Variants in KIRREL3 observed in about 807,000 individuals in gnomAD.
The protein encoded by KIRREL3 is kirre like nephrin family adhesion molecule 3, also known as kin of IRRE-like protein 3.
In KIRREL3, 36 loss-of-function variants were observed where a neutral mutation model predicts 89.7. The ratio of observed to expected loss-of-function variants is 0.40; its 90% CI spans 0.31 to 0.53. The LOEUF (loss-of-function observed/expected upper bound fraction) is 0.53. KIRREL3 is among the 20% of genes least tolerant of loss of function. The pLI is 0.49. For missense variants in KIRREL3, 864 were observed against 1,056.6 expected (o/e 0.82, Z 2.53); for synonymous variants, 445 against 441.4 (o/e 1.01, Z -0.10).
At chr11:126,911,045 G>A (rs1466949910) in intron 1 of KIRREL3, among the ~76,000 whole-genome samples, 2 of 152,194 alleles carry the variant, frequency 1.3e-5, no homozygotes, top group Non-Finnish European at 2.9e-5. Context: ...CCTCTGTGGA[G>A]GAGAAAGTCA....
At chr11:126,671,126 A>T (rs556176844) in intron 1 of KIRREL3, among the ~76,000 whole-genome samples, 200 of 152,322 alleles carry the variant, frequency 1.3e-3, no homozygotes, top group African/African-American at 4.4e-3. Flanking sequence ...TTCATAAAAA[A>T]TTGCTTAAAA....
At chr11:126,440,310 G>A (rs867756887) in intron 11 of KIRREL3, 139 bp downstream of exon 11, 8 of 771,490 alleles carry the variant, frequency 1.0e-5, no homozygotes, top group African/African-American at 3.4e-5. Flanking sequence ...TTCCAAGACA[G>A]CCAAGGCAGG....
At position 126,976,950 on chromosome 11, in the gene KIRREL3, C is replaced by T. The variant is rs1484074670; in HGVS notation, c.55+23505G>A. Among the ~76,000 whole-genome samples, 3 of 152,000 alleles carry T rather than the reference C, an allele frequency of 2.0e-5. No individual in the cohort carries two copies. The highest frequency in any genetic ancestry group is 1.9e-4 in the East Asian group (1 of 5,180). On this transcript the variant is annotated intron_variant, in intron 1 of 16. Coordinates refer to ENST00000525144, the MANE Select transcript of KIRREL3 (RefSeq NM_032531.4). This position sits in a 1 kb window ranked among gnomAD's most constrained non-coding sequence, Gnocchi z 4.2. Reference sequence around the variant, plus strand: ...TTAATTCCTTCTCAATTCAGCTGATCGTCCCTCAACTATGAACAGCACGAT... The same window carrying T: ...TTAATTCCTTCTCAATTCAGCTGATTGTCCCTCAACTATGAACAGCACGAT...
intron 1 of KIRREL3, among the ~76,000 whole-genome samples, chr11:126,975,044 C>T (rs1178148327): frequency 2.0e-5 from 3 of 152,058 alleles, no homozygotes; most frequent in African/African-American, 7.2e-5. Flanking sequence ...CTCTGGAGCT[C>T]AAGCAATCTG....
intron 1 of KIRREL3, chr11:126,935,922 A>G (rs1345056980): frequency 6.6e-6 from 1 of 152,168 alleles, no homozygotes; most frequent in Non-Finnish European, 1.5e-5. Context: ...AGTTGTAACA[A>G]ATGGGCCACT....
chr11:126,655,915 G>C lies in KIRREL3; in HGVS notation c.56-93003C>G, dbSNP rs1243322097. Among the ~76,000 whole-genome samples, 2 of 151,812 alleles carry C rather than the reference G, an allele frequency of 1.3e-5. No individual in the cohort carries two copies. Among genetic ancestry groups the C allele is most frequent in the Non-Finnish European group, 2.9e-5 (2 of 68,006 alleles). On this transcript the variant is annotated intron_variant, in intron 1 of 16. Transcript: ENST00000525144. The surrounding 1 kb of genome is among the most constrained non-coding windows in gnomAD (Gnocchi z 5.0). The stretch of plus-strand genomic sequence containing the variant: ...TTATTTTTTGTTCCTGACACTGTTT[G>C]CACTGACTAAGATATCACGATGATG...
In KIRREL3 at chr11:126,587,997, TC is replaced by T. The variant is rs1310606697; in HGVS notation, c.56-25086del. ...GGACTGGAAGACTCAGATCTAGGGCTCGGGGGAAAGCATTGGGCCATGAGGT... is the reference window on the plus strand; with the variant it reads ...GGACTGGAAGACTCAGATCTAGGGCTGGGGGAAAGCATTGGGCCATGAGGT... On this transcript the variant is annotated intron_variant, in intron 1 of 16. Coordinates refer to ENST00000525144, the MANE Select transcript of KIRREL3 (RefSeq NM_032531.4). The surrounding 1 kb of genome is among the most constrained non-coding windows in gnomAD (Gnocchi z 5.2). Among the ~76,000 whole-genome samples, 1 of 152,148 alleles carries T rather than the reference TC, an allele frequency of 6.6e-6. No individual in the cohort carries two copies. The highest frequency in any genetic ancestry group is 1.5e-5 in the Non-Finnish European group (1 of 68,030).
chr11:126,795,403 T>C lies in KIRREL3; in HGVS notation c.55+205052A>G, dbSNP rs1471438363. On this transcript the variant is annotated intron_variant, in intron 1 of 16. Coordinates refer to ENST00000525144, the MANE Select transcript of KIRREL3 (RefSeq NM_032531.4). The surrounding 1 kb of genome is among the most constrained non-coding windows in gnomAD (Gnocchi z 4.1). ...TTTATTTTTTGAGACAGAGTCTCAG[T>C]CTGTGACCCAGCCTGGAGTGCAGTG... Among the ~76,000 whole-genome samples the C allele has an allele frequency of 6.6e-6, 1 of 152,200 alleles. No individual in the cohort carries two copies. The highest frequency in any genetic ancestry group is 6.5e-5 in the Admixed American group (1 of 15,276).
Position 126,575,454 on chromosome 11 carries a change from G to C in KIRREL3, c.56-12542C>G, listed in dbSNP as rs1017432937. ...GATAATGTATGTACAATACTGGGAGGGAAGGGTAAAGAGAGTTGTGTTCCT... is the reference window on the plus strand; with the variant it reads ...GATAATGTATGTACAATACTGGGAGCGAAGGGTAAAGAGAGTTGTGTTCCT... On this transcript the variant is annotated intron_variant, in intron 1 of 16. Coordinates refer to ENST00000525144, the MANE Select transcript of KIRREL3 (RefSeq NM_032531.4). This position sits in a 1 kb window ranked among gnomAD's most constrained non-coding sequence, Gnocchi z 7.0. Among the ~76,000 whole-genome samples, 3 of 152,162 alleles carry C rather than the reference G, an allele frequency of 2.0e-5. No individual in the cohort carries two copies. Among genetic ancestry groups the C allele is most frequent in the African/African-American group, 7.2e-5 (3 of 41,432 alleles).
At chr11:126,827,137 C>A (rs1283133878) in intron 1 of KIRREL3, among the ~76,000 whole-genome samples, 1 of 151,902 alleles carries the variant, frequency 6.6e-6, no homozygotes, top group Non-Finnish European at 1.5e-5. Context: ...CCCTCAGAGC[C>A]CCCAAATGTT....
intron 1 of KIRREL3, among the ~76,000 whole-genome samples, chr11:126,745,175 C>T (rs1403444886): frequency 3.3e-5 from 5 of 152,072 alleles, no homozygotes; most frequent in South Asian, 2.1e-4. Flanking sequence ...GTTTCTCCCC[C>T]GAAAGGCTCT....
Position 126,640,090 on chromosome 11 carries a change from C to T in KIRREL3, c.56-77178G>A, listed in dbSNP as rs944491206. 6.6e-6 allele frequency among the ~76,000 whole-genome samples: 1 copy of T among 152,180 alleles called. No individual in the cohort carries two copies. The highest frequency in any genetic ancestry group is 1.5e-5 in the Non-Finnish European group (1 of 68,032). On this transcript the variant is annotated intron_variant, in intron 1 of 16. Transcript: ENST00000525144. This position sits in a 1 kb window ranked among gnomAD's most constrained non-coding sequence, Gnocchi z 4.9. ...CCCAGAGAAGACAATTAATCTCCCA[C>T]CTTCCCAAGCCAGTACTGTTTTATT...
At position 126,664,310 on chromosome 11, in the gene KIRREL3, G is replaced by T. The variant is rs917687119; in HGVS notation, c.56-101398C>A. Among the ~76,000 whole-genome samples the T allele has an allele frequency of 2.0e-5, 3 of 151,760 alleles. No homozygotes were observed. Among genetic ancestry groups the T allele is most frequent in the African/African-American group, 7.3e-5 (3 of 41,276 alleles). ...TGTAGAGCAGGCAAAGTACAAAGAG[G>T]CTCACACAGAACCTATCCTTGTCCT... On this transcript the variant is annotated intron_variant, in intron 1 of 16. Transcript: ENST00000525144. This position sits in a 1 kb window ranked among gnomAD's most constrained non-coding sequence, Gnocchi z 5.4.
chr11:126,933,047 C>T (rs953647563), intron 1 of KIRREL3, among the ~76,000 whole-genome samples: 2 of 152,176 alleles, frequency 1.3e-5, no homozygotes, highest in Non-Finnish European at 2.9e-5. Context: ...CAACTGGCTA[C>T]CTTGTGCCCC....
intron 1 of KIRREL3, among the ~76,000 whole-genome samples, chr11:126,592,269 C>T (rs995174920): frequency 1.3e-5 from 2 of 152,098 alleles, no homozygotes; most frequent in African/African-American, 4.8e-5. Flanking sequence ...ATCATTGTTC[C>T]CTTTATATGG....
intron 1 of KIRREL3, among the ~76,000 whole-genome samples, chr11:126,585,649 G>T (rs2134685200): frequency 1.3e-5 from 2 of 152,334 alleles, no homozygotes; most frequent in Admixed American, 1.3e-4. Flanking sequence ...ACTGCTTAGG[G>T]TTCCACCCTC....
intron 1 of KIRREL3, among the ~76,000 whole-genome samples, chr11:126,863,215 G>T (rs750459493): frequency 6.6e-6 from 1 of 152,238 alleles, no homozygotes; most frequent in Admixed American, 6.5e-5. Flanking sequence ...TACCTGTGGG[G>T]GAAGACTGGA....
At chr11:126,958,190 A>C (rs1313363788) in intron 1 of KIRREL3, among the ~76,000 whole-genome samples, 1 of 152,216 alleles carries the variant, frequency 6.6e-6, no homozygotes, top group Non-Finnish European at 1.5e-5. Context: ...AATAATAATA[A>C]AAGGATGTCT....
Position 126,640,824 on chromosome 11 carries a change from T to A in KIRREL3, c.56-77912A>T, listed in dbSNP as rs1185751380. Among the ~76,000 whole-genome samples the A allele has an allele frequency of 6.6e-6, 1 of 152,192 alleles. No individual in the cohort carries two copies. The highest frequency in any genetic ancestry group is 1.5e-5 in the Non-Finnish European group (1 of 68,028). On this transcript the variant is annotated intron_variant, in intron 1 of 16. Coordinates refer to ENST00000525144, the MANE Select transcript of KIRREL3 (RefSeq NM_032531.4). The surrounding 1 kb of genome is among the most constrained non-coding windows in gnomAD (Gnocchi z 4.9). ...GTCATTTCCCTCCTACGTCACTGAC[T>A]TATTGCTGGCATCTCCTCCCCTTGA...
Sources: allele counts gnomAD v4.1 joint callset (sites outside exome capture counted in the v4.1 genomes callset), GRCh38; gene constraint gnomAD v4.1.1; non-coding constraint Gnocchi (gnomAD v3.1); transcripts MANE v1.5; gene names NCBI Gene and HGNC (gene_info 2026-07-23, HGNC 2026-07-21).